TENM2: variants seen among roughly 807,000 people sequenced by gnomAD.
TENM2 encodes teneurin transmembrane protein 2.
A neutral mutation model predicts 245.2 loss-of-function variants in TENM2; 52 were observed. That is an observed-to-expected ratio of 0.21 (90% confidence interval 0.17 to 0.27). The LOEUF (loss-of-function observed/expected upper bound fraction) is 0.27, where lower values mean the gene tolerates loss of function less well. Among genes scored for constraint, TENM2 ranks in the 10% least tolerant of loss-of-function variants. The pLI is 1.00. For synonymous variants in TENM2, 1,363 were observed against 1,438.9 expected, an observed-to-expected ratio of 0.95 and a Z score of 1.19; for missense variants, 3,046 against 3,666.8, an observed-to-expected ratio of 0.83 and a Z score of 4.37.
chr5:167,066,808 C>T, the TENM2 span, among the ~76,000 whole-genome samples: 1 of 152,124 alleles, frequency 6.6e-6, no homozygotes, highest in Admixed American at 6.6e-5. Flanking sequence ...TTCACAGTTT[C>T]TGGTGAGACC....
intron 2 of TENM2, among the ~76,000 whole-genome samples, chr5:167,761,552 A>G (rs915618626): frequency 2.6e-5 from 4 of 152,242 alleles, no homozygotes; most frequent in African/African-American, 9.6e-5. Context: ...ACCAAATATT[A>G]AAAGGGAAAA....
chr5:167,124,179 A>T, the TENM2 span, among the ~76,000 whole-genome samples: 1 of 152,204 alleles, frequency 6.6e-6, no homozygotes. Context: ...TCAATGGGTT[A>T]GGTAAAAGTT....
the TENM2 span, among the ~76,000 whole-genome samples, chr5:167,073,062 A>G: frequency 6.6e-6 from 1 of 152,356 alleles, no homozygotes; most frequent in Non-Finnish European, 1.5e-5. Context: ...GTTTTATACC[A>G]TATTTTACAT....
chr5:167,087,706 C>T, the TENM2 span, among the ~76,000 whole-genome samples: 1 of 152,060 alleles, frequency 6.6e-6, no homozygotes, highest in South Asian at 2.1e-4. Context: ...ATGAGGATAT[C>T]TTAATAGCAG....
the TENM2 span, among the ~76,000 whole-genome samples, chr5:167,166,169 A>G: frequency 3.3e-5 from 5 of 152,208 alleles, no homozygotes; most frequent in African/African-American, 1.2e-4. Flanking sequence ...CTATGCCGAC[A>G]GGCCAGGCTT....
At chr5:167,624,184 G>T (rs1045889261) in intron 2 of TENM2, among the ~76,000 whole-genome samples, 1 of 152,120 alleles carries the variant, frequency 6.6e-6, no homozygotes, top group Non-Finnish European at 1.5e-5. Context: ...CCCATCAATG[G>T]CGGATTGGGT....
chr5:167,574,300 C>T (rs551232267), intron 2 of TENM2, among the ~76,000 whole-genome samples: 1 of 152,172 alleles, frequency 6.6e-6, no homozygotes, highest in Non-Finnish European at 1.5e-5. Context: ...ATCAGAATAG[C>T]ACTTTGCATT....
At chr5:167,223,785 G>A in the TENM2 span, among the ~76,000 whole-genome samples, 20 of 152,008 alleles carry the variant, frequency 1.3e-4, no homozygotes, top group African/African-American at 4.8e-4. Context: ...CATAGTGGCT[G>A]TACTAATTTA....
intron 2 of TENM2, among the ~76,000 whole-genome samples, chr5:167,684,705 A>G (rs540727260): frequency 3.3e-5 from 5 of 152,246 alleles, no homozygotes; most frequent in Non-Finnish European, 5.9e-5. Context: ...CATTACTAAT[A>G]CGAACAGTCG....
At chr5:167,256,049 A>T in the TENM2 span, among the ~76,000 whole-genome samples, 5 of 152,094 alleles carry the variant, frequency 3.3e-5, no homozygotes, top group Admixed American at 6.6e-5. Context: ...AACGCTCTTT[A>T]TTCCCGTTCA....
intron 9 of TENM2, among the ~76,000 whole-genome samples, chr5:168,113,084 A>G (rs1200301985): frequency 1.3e-5 from 2 of 152,198 alleles, no homozygotes; most frequent in African/African-American, 4.8e-5. Context: ...TGGGAGGCTG[A>G]GGCAGGAGGA....
Position 168,031,624 on chromosome 5 carries a change from G to A in TENM2, c.1187-15803G>A, listed in dbSNP as rs184460835. ...GGAAAGAAAGAAAGACAGAGGGATC[G>A]AGTAAGGGAGAGAGAGAGGGAGGAA... is the stretch of plus-strand genomic sequence containing the variant. On this transcript the variant is annotated intron_variant, in intron 5 of 28. Coordinates refer to ENST00000518659, the Ensembl canonical transcript of TENM2. Among the ~76,000 whole-genome samples the A allele has an allele frequency of 1.5e-3, 216 of 144,472 alleles. 1 individual carries two copies. Among genetic ancestry groups the A allele is most frequent in the Non-Finnish European group, 7.9e-4 (52 of 65,486 alleles). 94.8% of individuals were successfully genotyped at this position (144,472 alleles called of 152,430 possible).
the TENM2 span, among the ~76,000 whole-genome samples, chr5:167,265,945 G>T: frequency 6.6e-6 from 1 of 152,072 alleles, no homozygotes; most frequent in Non-Finnish European, 1.5e-5. Context: ...TCTCGCTCAT[G>T]AAACTGGCAT....
At chr5:167,452,948 T>TATATATATATATTTTTTAA (rs1554157746) in intron 2 of TENM2, among the ~76,000 whole-genome samples, 6 of 47,510 alleles carry the variant, frequency 1.3e-4, no homozygotes, top group Admixed American at 7.9e-4. Flanking sequence ...TATATATATA[T>TATATATATATATTTTTTAA]ATATATATAT....
At position 167,514,376 on chromosome 5, in the gene TENM2, T is replaced by A. The variant is rs114905912; in HGVS notation, c.502+138903T>A. Among the ~76,000 whole-genome samples, 1,329 of 152,284 alleles carry A rather than the reference T, an allele frequency of 8.7e-3. 22 individuals are homozygous for A. The highest frequency in any genetic ancestry group is 0.031 in the African/African-American group (1,287 of 41,562). ...AAATGGGTCAGCACTTCCTAAGCTC[T>A]CTGCTGTCATATTAATTTCAGGACA... On this transcript the variant is annotated intron_variant, in intron 2 of 28. Coordinates refer to ENST00000518659, the Ensembl canonical transcript of TENM2.
chr5:167,228,666 A>G, the TENM2 span, among the ~76,000 whole-genome samples: 1 of 151,358 alleles, frequency 6.6e-6, no homozygotes, highest in South Asian at 2.1e-4. Context: ...GTGTCCTTAC[A>G]TTAATAATCT....
At chr5:167,206,591 A>G in the TENM2 span, among the ~76,000 whole-genome samples, 1 of 152,354 alleles carries the variant, frequency 6.6e-6, no homozygotes, top group Middle Eastern at 3.4e-3. Context: ...CTTACTTTAT[A>G]TAGGCCACAG....
At chr5:167,302,676 C>G (rs1755412333) in intron 1 of TENM2, among the ~76,000 whole-genome samples, 1 of 150,866 alleles carries the variant, frequency 6.6e-6, no homozygotes, top group South Asian at 2.1e-4. Flanking sequence ...TTCTTGCACC[C>G]TAGAAAAGTG....
At chr5:167,593,922 A>G (rs1265471148) in intron 2 of TENM2, among the ~76,000 whole-genome samples, 1 of 152,162 alleles carries the variant, frequency 6.6e-6, no homozygotes, top group Non-Finnish European at 1.5e-5. Flanking sequence ...AAAACATGCT[A>G]GTAATATCAT....
Sources: allele counts gnomAD v4.1 joint callset (sites outside exome capture counted in the v4.1 genomes callset), GRCh38; gene constraint gnomAD v4.1.1; transcripts MANE v1.5; gene names NCBI Gene and HGNC (gene_info 2026-07-23, HGNC 2026-07-21).